Variants in HP1BP3 observed in about 807,000 individuals in gnomAD.
The protein encoded by HP1BP3 is heterochromatin protein 1 binding protein 3.
A neutral mutation model predicts 62.5 loss-of-function variants in HP1BP3; 12 were observed. The observed-to-expected ratio is 0.19, with a 90% CI of 0.12 to 0.31. The LOEUF is 0.31. Among genes scored for constraint, HP1BP3 ranks in the 10% least tolerant of loss-of-function variants. The pLI is 1.00. For missense variants in HP1BP3, 502 were observed against 651.8 expected (o/e 0.77, Z 2.50); for synonymous variants, 260 against 237.8 (o/e 1.09, Z -0.86).
At chr1:20,763,609 T>C (rs2056607266) in intron 8 of HP1BP3, among the ~76,000 whole-genome samples, 1 of 152,208 alleles carries the variant, frequency 6.6e-6, no homozygotes, top group Non-Finnish European at 1.5e-5. Flanking sequence ...AAACATAATT[T>C]TCTAGAAGTC....
At chr1:20,781,682 G>A (rs1004231524) in intron 1 of HP1BP3, among the ~76,000 whole-genome samples, 1 of 151,892 alleles carries the variant, frequency 6.6e-6, no homozygotes, top group Non-Finnish European at 1.5e-5. Flanking sequence ...GCTGGAGTGC[G>A]GTGGCACGAT....
intron 5 of HP1BP3, among the ~76,000 whole-genome samples, chr1:20,773,238 T>C (rs980621807): frequency 3.3e-5 from 5 of 152,078 alleles, no homozygotes; most frequent in Non-Finnish European, 7.3e-5. Context: ...AAATATTTGC[T>C]ATATTAAATA....
Position 20,773,520 on chromosome 1 carries a change from G to A in HP1BP3, c.441C>T (p.Ala147=), listed in dbSNP as rs1186127036. The stretch of plus-strand genomic sequence containing the variant: ...AAGAAGCCATCGGTGTTTGTTTCTG[G>A]GCCCTGGCTAGCTGGCTGGCAGAAA... ...ATLSASQLAR[A]QKQTPMASSP... is the part of the protein sequence containing the mutation. The change falls in exon 5 of 13, where the codon GCC becomes GCT. Residue 147 remains alanine, a synonymous_variant. Transcript: ENST00000438032. 5 of 1,611,704 alleles carry A rather than the reference G, an allele frequency of 3.1e-6. No homozygotes were observed. In the African/African-American group the frequency reaches 6.7e-5, roughly 22 times the overall value.
chr1:20,768,456 C>T (rs949146718), intron 6 of HP1BP3, among the ~76,000 whole-genome samples: 1 of 152,098 alleles, frequency 6.6e-6, no homozygotes, highest in South Asian at 2.1e-4. Context: ...AAAAAACAAA[C>T]AAACAATTTT....
At chr1:20,766,384 A>C (rs902595498) in intron 7 of HP1BP3, among the ~76,000 whole-genome samples, 6 of 152,202 alleles carry the variant, frequency 3.9e-5, no homozygotes, top group Non-Finnish European at 8.8e-5. Context: ...AAAAAAATGC[A>C]TAAAGTTCAT....
chr1:20,744,478 G>GAA lies in HP1BP3; in HGVS notation c.*317_*318dup. The GAA allele has an allele frequency of 2.8e-5, 6 of 211,904 alleles. No individual in the cohort carries two copies. Among genetic ancestry groups the GAA allele is most frequent in the East Asian group, 1.3e-4 (1 of 7,926 alleles). The allele number at this position is 211,904 out of a possible 1,614,324, so 13.1% of individuals were successfully genotyped here. On this transcript the variant is annotated 3_prime_UTR_variant, in exon 13 of 13. Transcript: ENST00000438032. Reference sequence around the variant, plus strand: ...TGCAACTGTTTAGATAAAATTGGAAGAAAAAAAAAAGGCAAAGCTGACCAT... The same window carrying GAA: ...TGCAACTGTTTAGATAAAATTGGAAGAAAAAAAAAAAAGGCAAAGCTGACCAT...
At chr1:20,778,157 A>AGATTT in intron 3 of HP1BP3, among the ~76,000 whole-genome samples, 1 of 16,896 alleles carries the variant, frequency 5.9e-5, no homozygotes, top group African/African-American at 1.2e-4. Flanking sequence ...TAAGACTTAT[A>AGATTT]AATTTACATT....
intron 8 of HP1BP3, among the ~76,000 whole-genome samples, chr1:20,759,437 T>A (rs1329589829): frequency 1.3e-5 from 2 of 152,186 alleles, no homozygotes; most frequent in Non-Finnish European, 2.9e-5. Flanking sequence ...AGTATGATGG[T>A]TAATGTTCTC....
chr1:20,776,791 T>TC, intron 3 of HP1BP3, 41 bp from the exon 4 acceptor site: 1 of 1,548,958 alleles, frequency 6.5e-7, no homozygotes, highest in Non-Finnish European at 8.7e-7. Flanking sequence ...GCAGATGTAT[T>TC]CCAATCTGAG....
intron 1 of HP1BP3, among the ~76,000 whole-genome samples, chr1:20,782,390 C>T (rs1437735160): frequency 1.3e-5 from 2 of 151,544 alleles, no homozygotes. Context: ...TCAAGACCAG[C>T]CTGGGCAATA....
intron 12 of HP1BP3, 69 bp from the exon 13 acceptor site, chr1:20,745,160 T>C (rs1381178235): frequency 1.3e-6 from 2 of 1,505,490 alleles, no homozygotes; most frequent in South Asian, 1.3e-5. Context: ...GACAACCAGA[T>C]GCTTTCTAAA....
intron 4 of HP1BP3, chr1:20,776,022 A>T (rs1245999761): frequency 1.8e-5 from 27 of 1,497,630 alleles, no homozygotes; most frequent in Admixed American, 2.4e-5. Context: ...AAAAAAAAAA[A>T]AAAAAATTAA....
rs1035736485 is a variant in HP1BP3, at chr1:20,787,301, G to A, written c.-207C>T. ...CCGCTGTCCTCCAGTCCCAGCCGCC[G>A]AGCTCTGCCGCCCCGCCCCCCTACC... On this transcript the variant is annotated 5_prime_UTR_variant, in exon 1 of 13. Coordinates refer to ENST00000438032, the MANE Select transcript of HP1BP3 (RefSeq NM_001372052.1). 6.7e-6 allele frequency: 1 copy of A among 149,732 alleles called. No homozygotes were observed. The highest frequency in any genetic ancestry group is 2.0e-4 in the East Asian group (1 of 5,106). The allele number at this position is 149,732 out of a possible 1,614,324, so 9.3% of individuals were successfully genotyped here.
intron 8 of HP1BP3, among the ~76,000 whole-genome samples, chr1:20,764,301 T>A (rs2056647159): frequency 6.6e-6 from 1 of 152,026 alleles, no homozygotes; most frequent in Admixed American, 6.6e-5. Flanking sequence ...TATTAAAGGC[T>A]AAGAATAAAT....
chr1:20,741,702 TTC>T lies in HP1BP3; in HGVS notation c.*3093_*3094del, dbSNP rs2055088870. On this transcript the variant is annotated 3_prime_UTR_variant, in exon 13 of 13. Coordinates refer to ENST00000438032, the MANE Select transcript of HP1BP3 (RefSeq NM_001372052.1). ...AGCCAACAATCTCTCTCCCAGCACT[TTC>T]TGAGACTCATTTATCAAAGGTAGCT... 6.6e-6 allele frequency among the ~76,000 whole-genome samples: 1 copy of T among 152,200 alleles called. No individual in the cohort carries two copies. The highest frequency in any genetic ancestry group is 6.5e-5 in the Admixed American group (1 of 15,278).
chr1:20,756,002 G>A (rs968033537), intron 9 of HP1BP3, among the ~76,000 whole-genome samples: 1 of 152,192 alleles, frequency 6.6e-6, no homozygotes, highest in African/African-American at 2.4e-5. Context: ...GTGGAATAGG[G>A]AGTGACTGCA....
intron 1 of HP1BP3, 55 bp from the exon 2 acceptor site, chr1:20,780,595 A>C: frequency 1.7e-6 from 1 of 599,618 alleles, no homozygotes; most frequent in Middle Eastern, 2.7e-4. Context: ...ACTAAACTAA[A>C]ACGTCTAAAT....
At chr1:20,761,104 G>C (rs1159531828) in intron 8 of HP1BP3, among the ~76,000 whole-genome samples, 1 of 152,100 alleles carries the variant, frequency 6.6e-6, no homozygotes, top group South Asian at 2.1e-4. Context: ...GAGTGCAGTG[G>C]TGTGATCTTG....
At chr1:20,747,776 A>C in intron 10 of HP1BP3, 121 bp from the exon 11 acceptor site, 1 of 634,466 alleles carries the variant, frequency 1.6e-6, no homozygotes, top group Non-Finnish European at 2.8e-6. Flanking sequence ...ACATACACTA[A>C]GTGAATCCTA....
Sources: allele counts gnomAD v4.1 joint callset (sites outside exome capture counted in the v4.1 genomes callset), GRCh38; gene constraint gnomAD v4.1.1; transcripts MANE v1.5; gene names NCBI Gene and HGNC (gene_info 2026-07-23, HGNC 2026-07-21).